The following CD96 variants were observed in gnomAD, a reference collection of about 807,000 sequenced individuals.
CD96 encodes CD96 molecule.
CD96 carries 70 observed loss-of-function variants against 71.3 expected under a neutral mutation model. That is an observed-to-expected ratio of 0.98 (90% CI 0.81 to 1.20). CD96 has a LOEUF of 1.20. Ranked by LOEUF, CD96 falls within the 50% of genes most tolerant of loss-of-function variation. The pLI is 0.00. For synonymous variants in CD96, 248 were observed against 233.0 expected, an observed-to-expected ratio of 1.06 and a Z score of -0.59; for missense variants, 742 against 677.5, an observed-to-expected ratio of 1.10 and a Z score of -1.06.
chr3:111,607,466 T>C (rs1247880534), intron 8 of CD96, among the ~76,000 whole-genome samples: 2 of 152,222 alleles, frequency 1.3e-5, no homozygotes, highest in South Asian at 2.1e-4. Flanking sequence ...AAACTTGTCA[T>C]TGATGCAACA....
At chr3:111,544,290 G>A (rs775522709) in intron 1 of CD96, among the ~76,000 whole-genome samples, 6 of 152,066 alleles carry the variant, frequency 3.9e-5, no homozygotes, top group South Asian at 2.1e-4. Context: ...GACTACAGGC[G>A]TGCACCACCA....
chr3:111,638,838 T>A (rs1321391169), intron 12 of CD96, among the ~76,000 whole-genome samples: 1 of 152,202 alleles, frequency 6.6e-6, no homozygotes, highest in Admixed American at 6.5e-5. Flanking sequence ...AGCTGCAAAC[T>A]GAGGCACTAC....
At position 111,651,896 on chromosome 3, in the gene CD96, A is replaced by AAAAAGAAAGAAAG. The variant is rs1553713922; in HGVS notation, c.*2093_*2094insAGAAAGAAAGAAA. ...GAGACTCCGCCTCAAAAAAAAAAAAAAAAGAAAGAAAGAAAGAAAGAAAGA... is the reference window on the plus strand; with the variant it reads ...GAGACTCCGCCTCAAAAAAAAAAAAAAAAAGAAAGAAAGAAAGAAAGAAAGAAAGAAAGAAAGA... On this transcript the variant is annotated 3_prime_UTR_variant, in exon 14 of 14. Coordinates refer to ENST00000352690, the MANE Select transcript of CD96 (RefSeq NM_005816.5). The AAAAAGAAAGAAAG allele has an allele frequency of 6.8e-6, 1 of 146,386 alleles. No homozygotes were observed. The highest frequency in any genetic ancestry group is 2.5e-5 in the African/African-American group (1 of 39,320). 9.1% of individuals were successfully genotyped at this position (146,386 alleles called of 1,614,324 possible). A position where few individuals can be genotyped will look rare whatever the true frequency, so the allele number is the denominator to read the frequency against.
chr3:111,649,236 T>C (rs1939968826), intron 13 of CD96, among the ~76,000 whole-genome samples: 1 of 152,228 alleles, frequency 6.6e-6, no homozygotes, highest in Non-Finnish European at 1.5e-5. Context: ...GCAGTTGTCA[T>C]GGAGAGTATC....
At chr3:111,627,603 T>C (rs1938838245) in intron 10 of CD96, among the ~76,000 whole-genome samples, 1 of 152,188 alleles carries the variant, frequency 6.6e-6, no homozygotes, top group African/African-American at 2.4e-5. Flanking sequence ...CCAAATCAAT[T>C]GGGTGCTGAA....
At chr3:111,543,916 G>A (rs1207916138) in intron 1 of CD96, among the ~76,000 whole-genome samples, 2 of 152,130 alleles carry the variant, frequency 1.3e-5, no homozygotes, top group African/African-American at 2.4e-5. Flanking sequence ...CACCTCAAAC[G>A]ACATATAAGC....
chr3:111,628,536 TG>T (rs1938898166), intron 10 of CD96, among the ~76,000 whole-genome samples: 2 of 152,192 alleles, frequency 1.3e-5, no homozygotes, highest in Non-Finnish European at 2.9e-5. Flanking sequence ...GCAATGAGAC[TG>T]AATCTATGAC....
At chr3:111,608,005 A>G (rs964239534) in intron 8 of CD96, among the ~76,000 whole-genome samples, 2 of 149,654 alleles carry the variant, frequency 1.3e-5, no homozygotes, top group Non-Finnish European at 3.0e-5. Flanking sequence ...AATTTTAGCA[A>G]AACATATATT....
Position 111,593,382 on chromosome 3 carries a change from T to C in CD96, c.808-4738T>C, listed in dbSNP as rs927165006. 33 of 776,284 alleles carry C rather than the reference T, an allele frequency of 4.3e-5. No homozygotes were observed. In the African/African-American group the frequency reaches 5.0e-4, roughly 12 times the overall value. 48.1% of individuals were successfully genotyped at this position (776,284 alleles called of 1,614,324 possible). On this transcript the variant is annotated intron_variant, in intron 5 of 13. Coordinates refer to ENST00000352690, the MANE Select transcript of CD96 (RefSeq NM_005816.5). Reference sequence around the variant, plus strand: ...CTCTAGGAACCTCGTAGATAAGCATTTGGTCAATTCAGACCTGCTCAGATT... The same window carrying C: ...CTCTAGGAACCTCGTAGATAAGCATCTGGTCAATTCAGACCTGCTCAGATT...
At chr3:111,599,951 T>G (rs938660084) in intron 6 of CD96, among the ~76,000 whole-genome samples, 59 of 152,230 alleles carry the variant, frequency 3.9e-4, no homozygotes, top group African/African-American at 1.4e-3. Context: ...TAGTGATAGT[T>G]GGTTTTACAT....
intron 8 of CD96, among the ~76,000 whole-genome samples, chr3:111,614,883 A>G (rs1366180904): frequency 6.6e-6 from 1 of 152,196 alleles, no homozygotes; most frequent in Non-Finnish European, 1.5e-5. Flanking sequence ...AAAGTGAAGG[A>G]GCGGATTCTT....
intron 7 of CD96, among the ~76,000 whole-genome samples, 161 bp from the exon 8 acceptor site, chr3:111,606,539 C>G (rs1030178041): frequency 6.6e-6 from 1 of 152,184 alleles, no homozygotes; most frequent in African/African-American, 2.4e-5. Context: ...ATGTCTTCCT[C>G]ATTCATCATT....
At chr3:111,573,190 T>G (rs1458290026) in intron 3 of CD96, among the ~76,000 whole-genome samples, 1 of 152,198 alleles carries the variant, frequency 6.6e-6, no homozygotes, top group Non-Finnish European at 1.5e-5. Context: ...TGAGGGAAGT[T>G]CTGCAGGCTT....
Position 111,650,021 on chromosome 3 carries a change from C to A in CD96, c.*215C>A. 1.7e-6 allele frequency: 1 copy of A among 573,248 alleles called. No individual in the cohort carries two copies. The allele number at this position is 573,248 out of a possible 1,614,324, so 35.5% of individuals were successfully genotyped here. ...AGTGAGAGGATATGTCATGTTCACA[C>A]TCAATGCAATTCGTAGTGGTTTTCT... On this transcript the variant is annotated 3_prime_UTR_variant, in exon 14 of 14. Transcript: ENST00000352690.
intron 6 of CD96, among the ~76,000 whole-genome samples, chr3:111,599,106 C>A (rs932398364): frequency 2.0e-5 from 3 of 151,438 alleles, no homozygotes; most frequent in African/African-American, 4.8e-5. Flanking sequence ...GTAGCTGGGA[C>A]TACAGGCGCC....
rs551912145 is a variant in CD96 at position 111,663,089 on chromosome 3, T to G, written c.*53-2438T>G. ...GACCTCAGAAAACTTACAAACATGG[T>G]GGAAGGGCAAAGGGGAAGTAAGCAG... On this transcript the variant is annotated intron_variant and NMD_transcript_variant, in intron 14 of 14. Coordinates refer to the CD96 transcript ENST00000494798. 9.2e-5 allele frequency among the ~76,000 whole-genome samples: 14 copies of G among 152,180 alleles called. 1 individual carries two copies. Among genetic ancestry groups the G allele is most frequent in the Admixed American group, 6.5e-4 (10 of 15,272 alleles).
intron 2 of CD96, among the ~76,000 whole-genome samples, chr3:111,566,011 CATATATTTATAT>C (rs1342043807): frequency 6.7e-6 from 1 of 148,758 alleles, no homozygotes; most frequent in African/African-American, 2.4e-5. Context: ...TGTTATATAG[CATATATTTATAT>C]ATATATTTAT....
At chr3:111,548,121 C>T (rs775921525) in intron 2 of CD96, among the ~76,000 whole-genome samples, 3 of 152,174 alleles carry the variant, frequency 2.0e-5, no homozygotes, top group Non-Finnish European at 4.4e-5. Context: ...ACCTGAAGTG[C>T]AAACACTTAT....
intron 8 of CD96, among the ~76,000 whole-genome samples, chr3:111,617,304 A>T (rs1938290942): frequency 6.6e-6 from 1 of 152,200 alleles, no homozygotes; most frequent in Non-Finnish European, 1.5e-5. Context: ...GAAGCCTGGG[A>T]GCCAGGCTGC....
Sources: gnomAD v4.1 joint callset for allele counts (sites outside exome capture counted in the v4.1 genomes callset) on GRCh38, gnomAD v4.1.1 for gene constraint, MANE v1.5 for transcripts, NCBI Gene and HGNC (gene_info 2026-07-23, HGNC 2026-07-21) for gene names.